The following CDC16 variants were observed in gnomAD, a reference collection of about 807,000 sequenced individuals.
CDC16 encodes cell division cycle protein 16 homolog.
Under a neutral mutation model 87.0 loss-of-function variants are expected in CDC16, and 34 were observed. That is an observed-to-expected ratio of 0.39 (90% confidence interval 0.30 to 0.52). The LOEUF is 0.52. CDC16 is among the 20% of genes least tolerant of loss of function. CDC16 has a pLI of 0.74. For synonymous variants in CDC16, 263 were observed against 260.6 expected (o/e 1.01, Z -0.09); for missense variants, 653 against 751.9 (o/e 0.87, Z 1.54).
chr13:114,239,822 CTT>C (rs2081454318), intron 5 of CDC16, among the ~76,000 whole-genome samples: 1 of 152,184 alleles, frequency 6.6e-6, no homozygotes, highest in Non-Finnish European at 1.5e-5. Context: ...CACCAAGAAA[CTT>C]TGATTAGCGT....
At chr13:114,259,731 T>C (rs936946612) in intron 14 of CDC16, among the ~76,000 whole-genome samples, 1 of 152,240 alleles carries the variant, frequency 6.6e-6, no homozygotes, top group Non-Finnish European at 1.5e-5. Flanking sequence ...TCAGATGTAA[T>C]ATTCCTCTAG....
At chr13:114,259,604 CGTTTGCTTCTTAA>C (rs1309425175) in intron 14 of CDC16, among the ~76,000 whole-genome samples, 1 of 152,154 alleles carries the variant, frequency 6.6e-6, no homozygotes, top group Non-Finnish European at 1.5e-5. Context: ...CAAGTGTTGG[CGTTTGCTTCTTAA>C]ATGGGCTCTA....
Position 114,246,857 on chromosome 13 carries a change from C to T in CDC16, c.898-74C>T, listed in dbSNP as rs570265807. ...GAACATGTAGTATACCCTCTGTCTA[C>T]CCTAATTTGTTGCAGATTCCAATTA... is the stretch of plus-strand genomic sequence containing the variant. On this transcript the variant is annotated intron_variant, in intron 10 of 17. Transcript: ENST00000356221. 29 of 884,862 alleles carry T rather than the reference C, an allele frequency of 3.3e-5. No individual in the cohort carries two copies. In the African/African-American group the frequency reaches 4.3e-4, roughly 13 times the overall value. The allele number at this position is 884,862 out of a possible 1,614,324, so 54.8% of individuals were successfully genotyped here. A position where few individuals can be genotyped will look rare whatever the true frequency, so the allele number is the denominator to read the frequency against.
chr13:114,259,237 T>C lies in CDC16; in HGVS notation c.1251-98T>C. The C allele has an allele frequency of 4.4e-6, 3 of 677,886 alleles. No individual in the cohort carries two copies. The South Asian group carries it at 5.6e-5, about 13-fold the overall frequency. The allele number at this position is 677,886 out of a possible 1,614,324, so 42.0% of individuals were successfully genotyped here. Reference sequence around the variant, plus strand: ...TAATTATTTCCAGCAGTTTACCCCATTGCATTTTAGTACTACTAGAAAGGT... The same window carrying C: ...TAATTATTTCCAGCAGTTTACCCCACTGCATTTTAGTACTACTAGAAAGGT... On this transcript the variant is annotated intron_variant, in intron 13 of 17. Transcript: ENST00000356221.
At chr13:114,240,777 C>T (rs2081507935) in intron 5 of CDC16, among the ~76,000 whole-genome samples, 1 of 151,732 alleles carries the variant, frequency 6.6e-6, no homozygotes, top group African/African-American at 2.4e-5. Context: ...TTTCTGGCCA[C>T]TCATTAATGT....
At chr13:114,269,816 T>C (rs2083487963) in intron 17 of CDC16, among the ~76,000 whole-genome samples, 1 of 152,208 alleles carries the variant, frequency 6.6e-6, no homozygotes, top group East Asian at 1.9e-4. Context: ...GCAATTCTCC[T>C]GCCTCAGCCT....
At position 114,243,877 on chromosome 13, in the gene CDC16, G is replaced by A; in HGVS notation, c.655G>A (p.Val219Ile). The A allele has an allele frequency of 6.2e-7, 1 of 1,610,214 alleles. No homozygotes were observed. Among genetic ancestry groups the A allele is most frequent in the East Asian group, 2.2e-5 (1 of 44,800 alleles). ...TCAGTATAATAAGCCTAGTGAAACGGTCATCCCTGAATCTGTAGATGGCTT... is the reference window on the plus strand; with the variant it reads ...TCAGTATAATAAGCCTAGTGAAACGATCATCCCTGAATCTGTAGATGGCTT... ...LKKYNKPSET[V>I]IPESVDGLQE... Residue 219 changes from valine to isoleucine, a missense_variant, in exon 8 of 18, where the codon GTC becomes ATC. Val to Ile is a conservative substitution (Grantham distance 29). Coordinates refer to ENST00000356221, the MANE Select transcript of CDC16 (RefSeq NM_001078645.3).
rs569477699 is a variant in CDC16 at position 114,235,329 on chromosome 13, C to T, written c.48+197C>T. On this transcript the variant is annotated intron_variant, in intron 1 of 17. Coordinates refer to ENST00000356221, the MANE Select transcript of CDC16 (RefSeq NM_001078645.3). The stretch of plus-strand genomic sequence containing the variant: ...TCCCTGCAGCTGGGAGGGGCACAGC[C>T]CGGGGAGTGGAGGCCCCCGAGCGCA... Among the ~76,000 whole-genome samples the T allele has an allele frequency of 2.7e-3, 410 of 151,986 alleles. 2 individuals are homozygous for T. Among genetic ancestry groups the T allele is most frequent in the African/African-American group, 9.5e-3 (396 of 41,482 alleles).
rs956884074 is a variant in CDC16, at chr13:114,246,444, C to G, written c.897+395C>G. Among the ~76,000 whole-genome samples, 5 of 152,142 alleles carry G rather than the reference C, an allele frequency of 3.3e-5. No homozygotes were observed. The East Asian group carries it at 9.6e-4, about 29-fold the overall frequency. On this transcript the variant is annotated intron_variant, in intron 10 of 17. Coordinates refer to ENST00000356221, the MANE Select transcript of CDC16 (RefSeq NM_001078645.3). ...CAACCTGTTGAATTGTGTACTGATTCCAAACTGTCATGGATCGGAATGGAG... is the reference window on the plus strand; with the variant it reads ...CAACCTGTTGAATTGTGTACTGATTGCAAACTGTCATGGATCGGAATGGAG...
Position 114,242,273 on chromosome 13 carries a change from A to G in CDC16, c.534A>G (p.Ala178=), listed in dbSNP as rs1477561759. The G allele has an allele frequency of 6.2e-7, 1 of 1,604,920 alleles. No homozygotes were observed. The change falls in exon 6 of 18, where the codon GCA becomes GCG. Residue 178 remains alanine (A), a synonymous_variant. Transcript: ENST00000356221. ...TAACATCACATCACATGCTGACAGC[A>G]CAAGAAGGTTTGGAAACTCAGGCTT... ...DLLTSHHMLT[A]QEEKELLESL...
intron 1 of CDC16, 21 bp from the exon 2 acceptor site, chr13:114,236,621 CCTT>C (rs1312424509): frequency 1.3e-6 from 2 of 1,582,272 alleles, no homozygotes; most frequent in Admixed American, 1.7e-5. Context: ...GCAGTTACCA[CCTT>C]TTTTTTTTTT....
At chr13:114,244,069 G>A in intron 8 of CDC16, 80 bp downstream of exon 8, 1 of 935,408 alleles carries the variant, frequency 1.1e-6, no homozygotes. Context: ...CGTGCTCTCT[G>A]AATAATCTTG....
In CDC16 at chr13:114,235,146, AC is replaced by A; in HGVS notation, c.48+15del. The A allele has an allele frequency of 8.1e-7, 1 of 1,240,488 alleles. No individual in the cohort carries two copies. Among genetic ancestry groups the A allele is most frequent in the Non-Finnish European group, 1.0e-6 (1 of 991,770 alleles). The allele number at this position is 1,240,488 out of a possible 1,614,324, so 76.8% of individuals were successfully genotyped here. ...TACCTCGACCAGGTGGGCGGCCCCG[AC>A]TCGGGGTGCGGGGCCCAGGCCTCGC... On this transcript the variant is annotated intron_variant, in intron 1 of 17. Coordinates refer to ENST00000356221, the MANE Select transcript of CDC16 (RefSeq NM_001078645.3).
intron 13 of CDC16, 145 bp downstream of exon 13, chr13:114,257,375 A>G (rs970557631): frequency 3.3e-6 from 2 of 597,820 alleles, no homozygotes; most frequent in Non-Finnish European, 5.4e-6. Flanking sequence ...ATAGAAAAAA[A>G]AGAGAGAAAC....
At chr13:114,258,764 C>G (rs1307010424) in intron 13 of CDC16, among the ~76,000 whole-genome samples, 1 of 152,102 alleles carries the variant, frequency 6.6e-6, no homozygotes, top group Non-Finnish European at 1.5e-5. Context: ...AGCCGCGGTT[C>G]AATATTTGCT....
intron 3 of CDC16, among the ~76,000 whole-genome samples, chr13:114,238,645 CCACTTACTCGCTGCCT>C (rs1202133645): frequency 3.3e-5 from 5 of 152,230 alleles, no homozygotes; most frequent in South Asian, 4.1e-4. Context: ...CTCTGCCTGA[CCACTTACTCGCTGCCT>C]CACTTACTCG....
intron 3 of CDC16, 62 bp downstream of exon 3, chr13:114,236,958 G>A (rs558978907): frequency 1.5e-5 from 17 of 1,102,608 alleles, no homozygotes; most frequent in Middle Eastern, 2.6e-4. Flanking sequence ...ATTAGTGGCC[G>A]GGCGCGGTGG....
chr13:114,247,236 G>T, intron 11 of CDC16: 1 of 497,544 alleles, frequency 2.0e-6, no homozygotes, highest in Non-Finnish European at 3.6e-6. Context: ...AGAGTGCAGT[G>T]GTGCAATAAT....
In CDC16 at chr13:114,272,081, T is replaced by C; in HGVS notation, c.1604-103T>C. 5 of 644,058 alleles carry C rather than the reference T, an allele frequency of 7.8e-6. No homozygotes were observed. In the South Asian group the frequency reaches 1.2e-4, roughly 16 times the overall value. 39.9% of individuals were successfully genotyped at this position (644,058 alleles called of 1,614,324 possible). On this transcript the variant is annotated intron_variant, in intron 17 of 17. Coordinates refer to ENST00000356221, the MANE Select transcript of CDC16 (RefSeq NM_001078645.3). ...ATGGAGTTTTGTATTTTATTCTAAA[T>C]AGTATAATCTGACTTAAATGATAAG...
Sources: gnomAD v4.1 joint callset for allele counts (sites outside exome capture counted in the v4.1 genomes callset) on GRCh38, gnomAD v4.1.1 for gene constraint, MANE v1.5 for transcripts, NCBI Gene and HGNC (gene_info 2026-07-23, HGNC 2026-07-21) for gene names.